AEN: variants seen among roughly 807,000 people sequenced by gnomAD.
AEN encodes apoptosis-enhancing nuclease.
A neutral mutation model predicts 17.7 loss-of-function variants in AEN; 21 were observed. That is an observed-to-expected ratio of 1.19 (90% confidence interval 0.84 to 1.71). The LOEUF (loss-of-function observed/expected upper bound fraction) is 1.71. Among genes scored for constraint, AEN ranks in the 40% most tolerant of loss-of-function variants. AEN has a pLI of 0.00. For missense variants in AEN, 462 were observed against 435.9 expected, an observed-to-expected ratio of 1.06 and a Z score of -0.53; for synonymous variants, 190 against 173.0, an observed-to-expected ratio of 1.10 and a Z score of -0.77.
rs143920438 is a variant in AEN, at chr15:88,626,573, C to A, written c.364C>A (p.Pro122Thr). 1 of 1,614,168 alleles carries A rather than the reference C, an allele frequency of 6.2e-7. No homozygotes were observed. The highest frequency in any genetic ancestry group is 8.5e-7 in the Non-Finnish European group (1 of 1,180,052). Residue 122 changes from proline (P) to threonine (T), a missense_variant, in exon 2 of 4, where the codon CCC becomes ACC. Coordinates refer to ENST00000332810, the MANE Select transcript of AEN (RefSeq NM_022767.4). Reference sequence around the variant, plus strand: ...CGACTGTGAGATGGTGGGCACGGGACCCCGAGGGCGGGTAAGCGAGCTGGC... The same window carrying A: ...CGACTGTGAGATGGTGGGCACGGGAACCCGAGGGCGGGTAAGCGAGCTGGC... ...AIDCEMVGTG[P>T]RGRVSELARC...
chr15:88,605,663 G>A, the AEN span, among the ~76,000 whole-genome samples: 5 of 152,234 alleles, frequency 3.3e-5, no homozygotes, highest in Non-Finnish European at 7.3e-5. This position sits in a 1 kb window ranked among gnomAD's most constrained non-coding sequence, Gnocchi z 7.6. Context: ...CTGAAAGAGA[G>A]CGCCTAATGC....
At chr15:88,621,769 T>C (rs1319451614) in intron 1 of AEN, 1 of 152,226 alleles carries the variant, frequency 6.6e-6, no homozygotes, top group Admixed American at 6.5e-5. Flanking sequence ...GTGGACTTTT[T>C]AGCAGCACAG....
At chr15:88,629,035 A>G (rs759155769) in intron 2 of AEN, 191 bp from the exon 3 acceptor site, 10 of 606,632 alleles carry the variant, frequency 1.6e-5, no homozygotes, top group East Asian at 2.8e-5. Context: ...GCCCCTGGGT[A>G]TAGACAGTAG....
chr15:88,619,546 G>T (rs2057764429), upstream of AEN, among the ~76,000 whole-genome samples: 2 of 152,092 alleles, frequency 1.3e-5, no homozygotes. Context: ...AAATTAGCTG[G>T]GCATGGTGGC....
rs148031217 is a variant in AEN, at chr15:88,630,077, C to A, written c.761C>A (p.Ser254Ter). The A allele has an allele frequency of 6.6e-5, 106 of 1,613,950 alleles. No homozygotes were observed. Among genetic ancestry groups the A allele is most frequent in the Non-Finnish European group, 1.0e-5 (12 of 1,180,040 alleles). ...KKIQVGQHGH[S>*]SVEDATTAME... ...CAGTAGGTGGGCCAGCACGGGCACT[C>A]ATCAGTAGAAGATGCCACGACAGCC... The change falls in exon 4 of 4, where the codon TCA becomes TAA. Residue 254 changes from serine to a stop codon, truncating the protein, a stop_gained. Coordinates refer to ENST00000332810, the MANE Select transcript of AEN (RefSeq NM_022767.4). LOFTEE classifies it low-confidence loss of function (END_TRUNC). This position sits in a 1 kb window ranked among gnomAD's most constrained non-coding sequence, Gnocchi z 5.1.
At chr15:88,608,907 G>A in the AEN span, among the ~76,000 whole-genome samples, 2 of 152,198 alleles carry the variant, frequency 1.3e-5, no homozygotes, top group Admixed American at 6.5e-5. Flanking sequence ...CAATGGGCAG[G>A]TCTGTTTATT....
At chr15:88,609,726 T>C in the AEN span, among the ~76,000 whole-genome samples, 1 of 152,162 alleles carries the variant, frequency 6.6e-6, no homozygotes, top group Non-Finnish European at 1.5e-5. Context: ...CCAATTCAGA[T>C]AGAGCCCAGA....
At position 88,626,627 on chromosome 15, in the gene AEN, A is replaced by G. The variant is rs8027765; in HGVS notation, c.418A>G (p.Asn140Asp). The change falls in exon 2 of 4, where the codon AAT becomes GAT. Residue 140 changes from asparagine to aspartate, a missense_variant. Transcript: ENST00000332810. ...ARCSIVSYHG[N>D]VLYDKYIRPE... ...CTGTTCCATTGTGAGCTACCATGGC[A>G]ATGTCCTCTATGACAAGTACATCAG... The G allele has an allele frequency of 0.9, 1,457,137 of 1,614,000 alleles. 664,449 individuals carry two copies. The highest frequency in any genetic ancestry group is 0.94 in the Non-Finnish European group (1,106,633 of 1,180,038).
chr15:88,605,166 C>G, the AEN span: 1 of 152,370 alleles, frequency 6.6e-6, no homozygotes, highest in South Asian at 2.1e-4. The surrounding 1 kb of genome is among the most constrained non-coding windows in gnomAD (Gnocchi z 7.6). Flanking sequence ...GGTGAGCGCT[C>G]CTACGGGATG....
Position 88,623,912 on chromosome 15 carries a change from G to A in AEN, c.-64-2234G>A, listed in dbSNP as rs76254983. Among the ~76,000 whole-genome samples, 704 of 152,356 alleles carry A rather than the reference G, an allele frequency of 4.6e-3. 5 individuals are homozygous for A. Among genetic ancestry groups the A allele is most frequent in the African/African-American group, 0.014 (601 of 41,580 alleles). ...TATGCTCTACACCCCAGTGACTTGAGGCTGCTGGTGGGCCCTCTTCCTCCA... is the reference window on the plus strand; with the variant it reads ...TATGCTCTACACCCCAGTGACTTGAAGCTGCTGGTGGGCCCTCTTCCTCCA... On this transcript the variant is annotated intron_variant, in intron 1 of 3. Transcript: ENST00000332810.
At chr15:88,623,740 C>G (rs887871709) in intron 1 of AEN, among the ~76,000 whole-genome samples, 2 of 152,250 alleles carry the variant, frequency 1.3e-5, no homozygotes, top group Non-Finnish European at 2.9e-5. Context: ...GGGGCTCCCC[C>G]ACTCACTTGG....
chr15:88,605,610 A>C, the AEN span, among the ~76,000 whole-genome samples: 1 of 152,160 alleles, frequency 6.6e-6, no homozygotes, highest in African/African-American at 2.4e-5. The surrounding 1 kb of genome is among the most constrained non-coding windows in gnomAD (Gnocchi z 7.6). Context: ...CAGGGAGGGG[A>C]ATCAGAGGCG....
upstream of AEN, among the ~76,000 whole-genome samples, chr15:88,616,662 C>T (rs2057741001): frequency 6.6e-6 from 1 of 152,192 alleles, no homozygotes; most frequent in African/African-American, 2.4e-5. Context: ...TAGATGGTCC[C>T]TGACCTACAA....
chr15:88,624,936 T>C (rs975052002), intron 1 of AEN, among the ~76,000 whole-genome samples: 26 of 151,982 alleles, frequency 1.7e-4, no homozygotes, highest in African/African-American at 5.6e-4. Flanking sequence ...CCTAGTTTGT[T>C]TGATCTGTTA....
At chr15:88,625,746 A>G (rs982957378) in intron 1 of AEN, among the ~76,000 whole-genome samples, 2 of 152,172 alleles carry the variant, frequency 1.3e-5, no homozygotes, top group East Asian at 3.8e-4. Context: ...ATCACAGCAG[A>G]AAAAAAGTCC....
chr15:88,628,301 A>T (rs1285331107), intron 2 of AEN: 2 of 152,322 alleles, frequency 1.3e-5, no homozygotes, highest in African/African-American at 2.4e-5. Context: ...TCCATCTGCC[A>T]TGAAAGCTGG....
upstream of AEN, among the ~76,000 whole-genome samples, chr15:88,620,785 T>G (rs1176553055): frequency 6.6e-6 from 1 of 152,214 alleles, no homozygotes; most frequent in Non-Finnish European, 1.5e-5. Flanking sequence ...CTTATGTGTT[T>G]ATTGTGTGCA....
intron 1 of AEN, among the ~76,000 whole-genome samples, chr15:88,622,515 T>G (rs2057800971): frequency 6.6e-6 from 1 of 152,184 alleles, no homozygotes; most frequent in South Asian, 2.1e-4. Context: ...TTTCTGTCCC[T>G]TTTAAGGACT....
intron 1 of AEN, among the ~76,000 whole-genome samples, chr15:88,623,525 G>T (rs976742803): frequency 6.6e-6 from 1 of 152,218 alleles, no homozygotes; most frequent in South Asian, 2.1e-4. Context: ...GGCTGTTGGG[G>T]AAGGTACAAT....
Sources: gnomAD v4.1 joint callset for allele counts (sites outside exome capture counted in the v4.1 genomes callset) on GRCh38, gnomAD v4.1.1 for gene constraint, Gnocchi (gnomAD v3.1) non-coding constraint, MANE v1.5 for transcripts, NCBI Gene and HGNC (gene_info 2026-07-23, HGNC 2026-07-21) for gene names.